GPM6A: variants seen among roughly 807,000 people sequenced by gnomAD.
The protein encoded by GPM6A is glycoprotein M6A, also known as neuronal membrane glycoprotein M6-a.
GPM6A carries 7 observed loss-of-function variants against 32.1 expected under a neutral mutation model. The observed-to-expected ratio is 0.22, with a 90% CI of 0.12 to 0.41. The LOEUF (loss-of-function observed/expected upper bound fraction) is 0.41. GPM6A is among the 10% of genes least tolerant of loss of function. GPM6A has a pLI of 1.00. For missense variants in GPM6A, 235 were observed against 347.2 expected, an observed-to-expected ratio of 0.68 and a Z score of 2.57; for synonymous variants, 130 against 123.4, an observed-to-expected ratio of 1.05 and a Z score of -0.35.
intron 1 of GPM6A, among the ~76,000 whole-genome samples, chr4:175,857,244 G>C (rs905338988): frequency 2.0e-5 from 3 of 152,084 alleles, no homozygotes; most frequent in Non-Finnish European, 4.4e-5. Flanking sequence ...TATAGCATGT[G>C]ATATACAAAT....
intron 1 of GPM6A, among the ~76,000 whole-genome samples, chr4:175,915,270 C>T (rs1738454777): frequency 6.7e-6 from 1 of 149,876 alleles, no homozygotes; most frequent in South Asian, 2.2e-4. Context: ...GGAGGCTATC[C>T]TTCCTTAATT....
chr4:175,664,918 G>A (rs1742650783), intron 3 of GPM6A, among the ~76,000 whole-genome samples: 1 of 150,806 alleles, frequency 6.6e-6, no homozygotes, highest in South Asian at 2.1e-4. Context: ...ATGCTACATG[G>A]TATAGCCTAT....
intron 1 of GPM6A, among the ~76,000 whole-genome samples, chr4:175,729,858 G>A (rs1326749270): frequency 7.0e-6 from 1 of 143,168 alleles, no homozygotes; most frequent in East Asian, 2.0e-4. Flanking sequence ...ATGTATATAT[G>A]TATTTAATGT....
intron 1 of GPM6A, among the ~76,000 whole-genome samples, chr4:175,737,230 G>T (rs1464619145): frequency 6.6e-6 from 1 of 152,130 alleles, no homozygotes; most frequent in African/African-American, 2.4e-5. Flanking sequence ...AGGAATTCCT[G>T]AGACTGGGCA....
intron 1 of GPM6A, among the ~76,000 whole-genome samples, chr4:175,940,548 T>C (rs1039728544): frequency 1.3e-5 from 2 of 152,212 alleles, no homozygotes; most frequent in East Asian, 3.8e-4. Flanking sequence ...TGCTCTGCTA[T>C]GAAATTATAG....
intron 1 of GPM6A, among the ~76,000 whole-genome samples, chr4:175,728,239 A>G (rs1731267292): frequency 6.6e-6 from 1 of 152,152 alleles, no homozygotes; most frequent in African/African-American, 2.4e-5. Flanking sequence ...CATTTTCCTG[A>G]AAGAATCAAA....
intron 6 of GPM6A, among the ~76,000 whole-genome samples, chr4:175,635,297 G>A (rs62336007): frequency 0.022 from 3,341 of 152,066 alleles, 61 homozygotes; most frequent in Non-Finnish European, 0.031. Context: ...TCAATTCTTG[G>A]AAGTAATCCA....
intron 1 of GPM6A, among the ~76,000 whole-genome samples, chr4:175,929,127 C>A (rs957595132): frequency 6.6e-6 from 1 of 152,088 alleles, no homozygotes; most frequent in Admixed American, 6.5e-5. Flanking sequence ...AAGAAAGAAA[C>A]AAAGTTTTAA....
At chr4:175,790,757 AATGCC>A (rs1262105794) in intron 1 of GPM6A, among the ~76,000 whole-genome samples, 1 of 152,216 alleles carries the variant, frequency 6.6e-6, no homozygotes, top group Non-Finnish European at 1.5e-5. Flanking sequence ...AAGAACGGCA[AATGCC>A]ATGAATTAAA....
chr4:175,937,325 A>C (rs547906349), intron 1 of GPM6A, among the ~76,000 whole-genome samples: 2 of 152,306 alleles, frequency 1.3e-5, no homozygotes, highest in African/African-American at 4.8e-5. Flanking sequence ...ACTAGTTTAC[A>C]TACATATTAT....
intron 1 of GPM6A, among the ~76,000 whole-genome samples, chr4:175,989,187 A>C (rs1034410010): frequency 3.9e-5 from 6 of 152,234 alleles, no homozygotes; most frequent in African/African-American, 1.2e-4. Flanking sequence ...AGCTTTAAAA[A>C]AAATTACTAT....
At chr4:175,770,318 G>A (rs764473364) in intron 1 of GPM6A, among the ~76,000 whole-genome samples, 2 of 152,170 alleles carry the variant, frequency 1.3e-5, no homozygotes, top group African/African-American at 2.4e-5. Flanking sequence ...GAGCCACTGC[G>A]CCTGGCCGAT....
chr4:175,705,121 G>A (rs12640626), intron 1 of GPM6A, among the ~76,000 whole-genome samples: 74,116 of 152,126 alleles, frequency 0.49, 20,476 homozygotes, highest in East Asian at 0.73. Flanking sequence ...AGAGCATCAA[G>A]TATAAATTCA....
chr4:175,654,808 A>G (rs1290636267), intron 3 of GPM6A, among the ~76,000 whole-genome samples: 1 of 152,146 alleles, frequency 6.6e-6, no homozygotes, highest in Non-Finnish European at 1.5e-5. Flanking sequence ...AGTCTCTAGA[A>G]CAATAAACAT....
At chr4:175,724,723 G>A (rs2111124755) in intron 1 of GPM6A, among the ~76,000 whole-genome samples, 1 of 152,290 alleles carries the variant, frequency 6.6e-6, no homozygotes, top group East Asian at 1.9e-4. Context: ...AGAGTCAGAT[G>A]AGAATAGAAT....
chr4:175,636,475 A>G (rs1740620595), intron 6 of GPM6A, among the ~76,000 whole-genome samples: 1 of 151,252 alleles, frequency 6.6e-6, no homozygotes, highest in Non-Finnish European at 1.5e-5. Context: ...TATCTGAGAA[A>G]ATGTGGCCCC....
intron 1 of GPM6A, among the ~76,000 whole-genome samples, chr4:175,770,272 C>T (rs1239830176): frequency 6.6e-6 from 1 of 152,186 alleles, no homozygotes; most frequent in Non-Finnish European, 1.5e-5. Context: ...ATGATCCACC[C>T]ACCTTGGCCT....
intron 3 of GPM6A, among the ~76,000 whole-genome samples, chr4:175,656,162 C>T (rs371152903): frequency 2.0e-5 from 3 of 151,992 alleles, no homozygotes; most frequent in Non-Finnish European, 4.4e-5. Flanking sequence ...ACTAAATCCT[C>T]TTGACCCACA....
In GPM6A at chr4:175,878,223, A is replaced by G. The variant is rs535512028; in HGVS notation, c.-22-65974T>C. On this transcript the variant is annotated intron_variant, in intron 1 of 7. Transcript: ENST00000280187. ...TTCCAGGTACATGGTACAAGCCGTC[A>G]GTGGATCTACCATTCTGGGGTCTGG... 5.9e-5 allele frequency among the ~76,000 whole-genome samples: 9 copies of G among 152,282 alleles called. No individual in the cohort carries two copies. In the South Asian group the frequency reaches 1.7e-3, roughly 28 times the overall value.
Sources: gnomAD v4.1 joint callset for allele counts (sites outside exome capture counted in the v4.1 genomes callset) on GRCh38, gnomAD v4.1.1 for gene constraint, MANE v1.5 for transcripts, NCBI Gene and HGNC (gene_info 2026-07-23, HGNC 2026-07-21) for gene names.